USH2A: variants seen among roughly 807,000 people sequenced by gnomAD.
USH2A encodes the protein usherin.
Under a neutral mutation model 538.9 loss-of-function variants are expected in USH2A, and 443 were observed. The observed-to-expected ratio is 0.82, with a 90% CI of 0.76 to 0.89. The LOEUF is 0.89. USH2A is among the 40% of genes least tolerant of loss of function. The probability of loss-of-function intolerance (pLI) is 0.00; values close to 1 mark genes in which losing one functional copy is unlikely to be tolerated. For synonymous variants in USH2A, 2,413 were observed against 2,273.5 expected (o/e 1.06, Z -1.75); for missense variants, 6,633 against 6,324.8 (o/e 1.05, Z -1.65).
chr1:215,932,540 A>T (rs1352681565), intron 38 of USH2A, among the ~76,000 whole-genome samples: 2 of 152,088 alleles, frequency 1.3e-5, no homozygotes, highest in Admixed American at 1.3e-4. Context: ...CATAAAAAAG[A>T]TAATTTTAAA....
chr1:215,821,930 G>C lies in USH2A; in HGVS notation c.9372-4735C>G, dbSNP rs145938075. On this transcript the variant is annotated intron_variant, in intron 47 of 71. Transcript: ENST00000307340. ...TTCCTTTGTTAAAAATGAGTTGTCT[G>C]TAAATGCATGGATTTATATCTGGGT... 3.4e-4 allele frequency among the ~76,000 whole-genome samples: 51 copies of C among 151,950 alleles called. 1 individual carries two copies. The East Asian group carries it at 9.5e-3, about 28-fold the overall frequency.
rs539750222 is a variant in USH2A at position 216,389,547 on chromosome 1, G to C, written c.652-24462C>G. Among the ~76,000 whole-genome samples, 15 of 152,138 alleles carry C rather than the reference G, an allele frequency of 9.9e-5. No homozygotes were observed. The South Asian group carries it at 3.1e-3, about 32-fold the overall frequency. ...TTTTAATCTTGAACTTTATATTTAA[G>C]TAGAAACTAATTTTTAACATGGTAT... On this transcript the variant is annotated intron_variant, in intron 3 of 71. Transcript: ENST00000307340.
At chr1:215,991,405 C>A (rs985718981) in intron 35 of USH2A, among the ~76,000 whole-genome samples, 1 of 151,910 alleles carries the variant, frequency 6.6e-6, no homozygotes, top group Non-Finnish European at 1.5e-5. Context: ...TTATCCCTCT[C>A]TAGACAATCA....
chr1:216,184,763 G>A (rs1447368150), intron 20 of USH2A, among the ~76,000 whole-genome samples: 1 of 151,840 alleles, frequency 6.6e-6, no homozygotes, highest in African/African-American at 2.4e-5. Context: ...TAATCACTCT[G>A]GCTCCTATTC....
intron 61 of USH2A, among the ~76,000 whole-genome samples, chr1:215,720,558 A>T (rs1271310994): frequency 6.6e-6 from 1 of 152,236 alleles, no homozygotes; most frequent in Non-Finnish European, 1.5e-5. Context: ...TGATAGGTCA[A>T]GCAGAGAATA....
intron 60 of USH2A, among the ~76,000 whole-genome samples, chr1:215,735,505 T>C (rs529040794): frequency 8.6e-4 from 131 of 152,306 alleles, no homozygotes; most frequent in African/African-American, 3.0e-3. Flanking sequence ...ACAGTGATGA[T>C]AGATTTGCAT....
At chr1:215,643,263 G>A (rs1472765104) in intron 67 of USH2A, among the ~76,000 whole-genome samples, 1 of 152,146 alleles carries the variant, frequency 6.6e-6, no homozygotes, top group Non-Finnish European at 1.5e-5. Flanking sequence ...CTCCCAAAGT[G>A]CTGAGATTAC....
intron 44 of USH2A, among the ~76,000 whole-genome samples, chr1:215,861,739 G>T (rs919989996): frequency 2.6e-5 from 4 of 152,094 alleles, no homozygotes; most frequent in South Asian, 2.1e-4. Context: ...ATGACTAATT[G>T]CAAGGGAGGT....
chr1:216,181,809 A>G (rs1216357740), intron 20 of USH2A, among the ~76,000 whole-genome samples: 1 of 152,136 alleles, frequency 6.6e-6, no homozygotes, highest in East Asian at 1.9e-4. Flanking sequence ...ACAGCAAAGT[A>G]TCGATTTCTT....
chr1:216,166,541 A>T (rs1343545065), intron 21 of USH2A, among the ~76,000 whole-genome samples: 1 of 152,200 alleles, frequency 6.6e-6, no homozygotes, highest in Non-Finnish European at 1.5e-5. Flanking sequence ...AGAAGCCCAC[A>T]ACATAGGTCT....
chr1:215,890,527 A>T (rs2102461896), intron 40 of USH2A, among the ~76,000 whole-genome samples: 1 of 152,328 alleles, frequency 6.6e-6, no homozygotes, highest in Middle Eastern at 3.4e-3. Context: ...GCTATTTCTG[A>T]CAATTTGGTA....
chr1:215,783,260 T>C (rs1242308697), intron 52 of USH2A, among the ~76,000 whole-genome samples: 1 of 152,206 alleles, frequency 6.6e-6, no homozygotes, highest in African/African-American at 2.4e-5. Context: ...CATGTAGTTT[T>C]GATTCCTACA....
intron 14 of USH2A, among the ~76,000 whole-genome samples, chr1:216,224,843 T>C (rs374985175): frequency 6.6e-6 from 1 of 152,282 alleles, no homozygotes; most frequent in East Asian, 1.9e-4. Context: ...ATATGATACT[T>C]GTATCTTCCC....
intron 36 of USH2A, among the ~76,000 whole-genome samples, chr1:215,968,902 T>C (rs1667425475): frequency 6.6e-6 from 1 of 152,158 alleles, no homozygotes. Flanking sequence ...AATTTAATGA[T>C]AGAAAACTCT....
chr1:216,274,658 A>G (rs1222391358), intron 11 of USH2A, among the ~76,000 whole-genome samples: 1 of 152,120 alleles, frequency 6.6e-6, no homozygotes, highest in African/African-American at 2.4e-5. Flanking sequence ...CCAGGTGAAT[A>G]AAGTACATCA....
intron 21 of USH2A, among the ~76,000 whole-genome samples, chr1:216,133,188 G>A (rs2033412208): frequency 6.6e-6 from 1 of 151,978 alleles, no homozygotes; most frequent in East Asian, 1.9e-4. Flanking sequence ...GACAATGAAA[G>A]CAACAAAAAT....
At chr1:216,050,908 C>A (rs535999440) in intron 30 of USH2A, among the ~76,000 whole-genome samples, 2 of 151,880 alleles carry the variant, frequency 1.3e-5, no homozygotes, top group African/African-American at 4.8e-5. Context: ...CCCGGCCGGC[C>A]GACGCTTTGT....
At chr1:216,211,176 A>T (rs956458564) in intron 15 of USH2A, among the ~76,000 whole-genome samples, 25 of 152,156 alleles carry the variant, frequency 1.6e-4, no homozygotes, top group African/African-American at 4.3e-4. Context: ...ATCATAAATC[A>T]GTAAAAATAA....
chr1:216,336,864 A>G (rs1256448940), intron 4 of USH2A, among the ~76,000 whole-genome samples: 2 of 151,552 alleles, frequency 1.3e-5, no homozygotes, highest in African/African-American at 2.4e-5. Flanking sequence ...AATTTCTTTG[A>G]CAAACAACAA....
Sources: gnomAD v4.1 joint callset for allele counts (sites outside exome capture counted in the v4.1 genomes callset) on GRCh38, gnomAD v4.1.1 for gene constraint, MANE v1.5 for transcripts, NCBI Gene and HGNC (gene_info 2026-07-23, HGNC 2026-07-21) for gene names.